The following MSI2 variants were observed in gnomAD, a reference collection of about 807,000 sequenced individuals.
MSI2 encodes the protein RNA-binding protein Musashi homolog 2.
MSI2 carries 17 observed loss-of-function variants against 45.6 expected under a neutral mutation model. That is an observed-to-expected ratio of 0.37 (90% CI 0.26 to 0.56). MSI2 has a LOEUF of 0.56. Ranked by LOEUF, MSI2 falls within the 20% of genes least tolerant of loss-of-function variation. The pLI, the probability that MSI2 is intolerant of heterozygous loss-of-function variation, is 0.77. For synonymous variants in MSI2, 156 were observed against 158.2 expected, an observed-to-expected ratio of 0.99 and a Z score of 0.11; for missense variants, 293 against 444.2, an observed-to-expected ratio of 0.66 and a Z score of 3.06.
chr17:57,295,220 GTCAC>G (rs1169401775), intron 5 of MSI2, among the ~76,000 whole-genome samples: 1 of 152,188 alleles, frequency 6.6e-6, no homozygotes, highest in African/African-American at 2.4e-5. Flanking sequence ...CCAAGCCTCT[GTCAC>G]TCAGGAGAAT....
chr17:57,317,634 C>G (rs529825297), intron 5 of MSI2, among the ~76,000 whole-genome samples: 361 of 151,886 alleles, frequency 2.4e-3, no homozygotes, highest in African/African-American at 8.2e-3. Context: ...CCTCAGCCCC[C>G]CATGTAGCTG....
intron 6 of MSI2, among the ~76,000 whole-genome samples, chr17:57,458,851 A>G (rs2085168754): frequency 6.6e-6 from 1 of 152,150 alleles, no homozygotes; most frequent in African/African-American, 2.4e-5. Context: ...GTGGGAGGAT[A>G]ATTTGAGAAT....
chr17:57,261,949 A>G (rs1907346996), intron 4 of MSI2, among the ~76,000 whole-genome samples: 1 of 152,190 alleles, frequency 6.6e-6, no homozygotes, highest in African/African-American at 2.4e-5. Context: ...CAGAAAGGCT[A>G]GCTAGCTATG....
chr17:57,490,967 A>G (rs1297856808), intron 6 of MSI2, among the ~76,000 whole-genome samples: 1 of 152,066 alleles, frequency 6.6e-6, no homozygotes. Flanking sequence ...GACTCCTTGG[A>G]GCCAAGGGGC....
chr17:57,414,173 T>C (rs2084249793), intron 6 of MSI2, among the ~76,000 whole-genome samples: 2 of 152,232 alleles, frequency 1.3e-5, no homozygotes, highest in Admixed American at 1.3e-4. Flanking sequence ...TCTTGGCTTA[T>C]CAAGAAGTCA....
rs541439845 is a variant in MSI2, at chr17:57,507,754, A to G, written c.406-21922A>G. 1.5e-4 allele frequency among the ~76,000 whole-genome samples: 23 copies of G among 152,188 alleles called. No individual in the cohort carries two copies. The South Asian group carries it at 4.4e-3, about 29-fold the overall frequency. ...GACTTCTTTGAAGGGGATGATGACCATATGACGTCCACTCCGGTGTATTTG... is the reference window on the plus strand; with the variant it reads ...GACTTCTTTGAAGGGGATGATGACCGTATGACGTCCACTCCGGTGTATTTG... On this transcript the variant is annotated intron_variant, in intron 6 of 13. Transcript: ENST00000284073.
At chr17:57,375,851 C>A (rs2083486477) in intron 5 of MSI2, among the ~76,000 whole-genome samples, 1 of 152,132 alleles carries the variant, frequency 6.6e-6, no homozygotes, top group African/African-American at 2.4e-5. Flanking sequence ...TCGCGTTGCC[C>A]TTACAGGTAG....
chr17:57,470,184 T>A (rs1488319161), intron 6 of MSI2, among the ~76,000 whole-genome samples: 2 of 152,228 alleles, frequency 1.3e-5, no homozygotes, highest in Non-Finnish European at 2.9e-5. Flanking sequence ...CAGTAAAGTA[T>A]AAGCTCCTTG....
At position 57,669,893 on chromosome 17, in the gene MSI2, G is replaced by A. The variant is rs1164343760; in HGVS notation, c.791-5079G>A. 7.2e-5 allele frequency among the ~76,000 whole-genome samples: 11 copies of A among 152,286 alleles called. 1 individual carries two copies. Among genetic ancestry groups the A allele is most frequent in the Non-Finnish European group, 7.3e-5 (5 of 68,042 alleles). ...CCGGAAATGTACCAGGGGCCACTGC[G>A]GTCTTCTGCCTGAAATGAAACCTGG... On this transcript the variant is annotated intron_variant, in intron 11 of 13. Coordinates refer to ENST00000284073, the MANE Select transcript of MSI2 (RefSeq NM_138962.4).
At chr17:57,400,525 C>A (rs2083970083) in intron 5 of MSI2, among the ~76,000 whole-genome samples, 1 of 151,992 alleles carries the variant, frequency 6.6e-6, no homozygotes, top group Non-Finnish European at 1.5e-5. Flanking sequence ...GTAGAGGAGT[C>A]AAGAGCTTAT....
chr17:57,616,493 T>C (rs1907724324), intron 9 of MSI2: 1 of 154,594 alleles, frequency 6.5e-6, no homozygotes, highest in African/African-American at 2.4e-5. Flanking sequence ...GGCTACGTTT[T>C]CTAAAACTTG....
intron 7 of MSI2, among the ~76,000 whole-genome samples, chr17:57,593,651 A>G (rs531960836): frequency 1.3e-5 from 2 of 152,332 alleles, no homozygotes; most frequent in South Asian, 2.1e-4. Flanking sequence ...GGTCACATTC[A>G]TAAATTCCAG....
At chr17:57,408,140 G>A (rs1432082687) in intron 6 of MSI2, among the ~76,000 whole-genome samples, 1 of 152,184 alleles carries the variant, frequency 6.6e-6, no homozygotes, top group Non-Finnish European at 1.5e-5. Context: ...TAAGGTTGTC[G>A]AGTTCTAAAG....
intron 10 of MSI2, among the ~76,000 whole-genome samples, chr17:57,651,631 G>A (rs1287408335): frequency 1.3e-5 from 2 of 152,246 alleles, no homozygotes; most frequent in African/African-American, 4.8e-5. Flanking sequence ...TCCCGGCCAA[G>A]GTGCCTGCTC....
intron 5 of MSI2, 99 bp downstream of exon 5, chr17:57,262,291 T>A: frequency 7.8e-7 from 1 of 1,274,306 alleles, no homozygotes; most frequent in Non-Finnish European, 1.1e-6. Flanking sequence ...TGAAGCCTGG[T>A]ATTCACTGTT....
chr17:57,480,749 C>T (rs934847399), intron 6 of MSI2, among the ~76,000 whole-genome samples: 1 of 152,192 alleles, frequency 6.6e-6, no homozygotes, highest in African/African-American at 2.4e-5. Context: ...GCTGTCCTAG[C>T]GTTGAAGCCA....
intron 5 of MSI2, among the ~76,000 whole-genome samples, chr17:57,391,273 C>G (rs1347390536): frequency 2.0e-5 from 3 of 152,090 alleles, no homozygotes; most frequent in African/African-American, 7.2e-5. Context: ...GAGACAGAAC[C>G]CTTGTGTGGA....
rs374079561 is a variant in MSI2 at position 57,638,978 on chromosome 17, G to A, written c.727+11675G>A. On this transcript the variant is annotated intron_variant, in intron 10 of 13. Transcript: ENST00000284073. ...TCTAAGATCAAGGTACCAGCAGATT[G>A]GACATCTGGTGAGGACCACTTCCTG... Among the ~76,000 whole-genome samples the A allele has an allele frequency of 8.2e-4, 125 of 152,282 alleles. 2 individuals carry two copies. In the South Asian group the frequency reaches 0.024, roughly 30 times the overall value.
intron 10 of MSI2, among the ~76,000 whole-genome samples, chr17:57,639,586 G>C (rs1910094461): frequency 6.6e-6 from 1 of 152,260 alleles, no homozygotes; most frequent in African/African-American, 2.4e-5. Context: ...ATGCCAGCTG[G>C]CCAGGGCTGG....
Sources: allele counts gnomAD v4.1 joint callset (sites outside exome capture counted in the v4.1 genomes callset), GRCh38; gene constraint gnomAD v4.1.1; transcripts MANE v1.5; gene names NCBI Gene and HGNC (gene_info 2026-07-23, HGNC 2026-07-21).